TFAP2A: variants seen among roughly 807,000 people sequenced by gnomAD.
TFAP2A encodes the protein transcription factor AP-2 alpha.
Under a neutral mutation model 41.5 loss-of-function variants are expected in TFAP2A, and 7 were observed. The observed-to-expected ratio is 0.17, with a 90% CI of 0.10 to 0.32. The LOEUF (loss-of-function observed/expected upper bound fraction) is 0.32, where lower values mean the gene tolerates loss of function less well. TFAP2A is among the 10% of genes least tolerant of loss of function. TFAP2A has a pLI of 1.00. For synonymous variants in TFAP2A, 247 were observed against 242.8 expected, an observed-to-expected ratio of 1.02 and a Z score of -0.16; for missense variants, 416 against 563.3, an observed-to-expected ratio of 0.74 and a Z score of 2.65.
At chr6:10,416,436 A>AAAG (rs1006901153), upstream of TFAP2A, 4 of 151,758 alleles carry the variant, frequency 2.6e-5, no homozygotes, top group African/African-American at 9.7e-5. Flanking sequence ...TAAGAAAAAA[A>AAAG]AAAAAGAAAA....
chr6:10,412,479 GAGGA>G (rs1758027534), intron 1 of TFAP2A: 1 of 137,000 alleles, frequency 7.3e-6, no homozygotes, highest in Admixed American at 7.8e-5. Context: ...AAGAGGGAGG[GAGGA>G]AGGGAGGGAG....
chr6:10,415,186 A>G (rs968159829), upstream of TFAP2A: 1 of 1,491,304 alleles, frequency 6.7e-7, no homozygotes, highest in Non-Finnish European at 8.9e-7. Flanking sequence ...GAGGAGGAGG[A>G]GGAGGGCGAG....
chr6:10,418,125 C>T (rs1306484243), upstream of TFAP2A: 1 of 152,160 alleles, frequency 6.6e-6, no homozygotes, highest in Non-Finnish European at 1.5e-5. Context: ...GGATTTGCAT[C>T]CTTAAACCAC....
chr6:10,414,703 A>G (rs1488365676), intron 1 of TFAP2A: 2 of 644,552 alleles, frequency 3.1e-6, no homozygotes, highest in Non-Finnish European at 5.5e-6. Flanking sequence ...TTGGTCAGAA[A>G]GGGGAGTAAA....
intron 2 of TFAP2A, among the ~76,000 whole-genome samples, chr6:10,408,311 TTTAG>T (rs781488380): frequency 1.3e-5 from 2 of 152,308 alleles, no homozygotes; most frequent in Non-Finnish European, 2.9e-5. Context: ...TGTTTAATCT[TTTAG>T]TTAGTTTCTC....
intron 1 of TFAP2A, among the ~76,000 whole-genome samples, chr6:10,414,344 C>T (rs1208475714): frequency 2.0e-5 from 3 of 152,186 alleles, no homozygotes; most frequent in African/African-American, 7.2e-5. Context: ...CAGCTGGGAT[C>T]AGTGGTCTTA....
chr6:10,412,401 A>T, intron 1 of TFAP2A: 2 of 348,092 alleles, frequency 5.7e-6, no homozygotes, highest in Non-Finnish European at 7.9e-6. Context: ...TGGGCGAGGG[A>T]GAGGAGCCCC....
At chr6:10,417,811 T>G (rs1758300273), upstream of TFAP2A, among the ~76,000 whole-genome samples, 1 of 151,808 alleles carries the variant, frequency 6.6e-6, no homozygotes, top group South Asian at 2.1e-4. Context: ...CTTGCCTAAC[T>G]GTGAGCCCGC....
Position 10,397,801 on chromosome 6 carries a change from G to A in TFAP2A, c.*616C>T. 1.0e-6 allele frequency: 1 copy of A among 968,534 alleles called. No individual in the cohort carries two copies. The allele number at this position is 968,534 out of a possible 1,614,324, so 60.0% of individuals were successfully genotyped here. A position where few individuals can be genotyped will look rare whatever the true frequency, so the allele number is the denominator to read the frequency against. Reference sequence around the variant, plus strand: ...TTGCCAGAGAAAGTTCAAGTTGGTCGCTTTACCTTAAAGAGGAAAAACTTC... The same window carrying A: ...TTGCCAGAGAAAGTTCAAGTTGGTCACTTTACCTTAAAGAGGAAAAACTTC... On this transcript the variant is annotated 3_prime_UTR_variant, in exon 7 of 7. Transcript: ENST00000379613.
rs1230910073 is a variant in TFAP2A, at chr6:10,404,723, G to A, written c.555C>T (p.Ser185=). The stretch of plus-strand genomic sequence containing the variant: ...CGGAGACGGCATTGCTGTTGGACTT[G>A]GACAGGGACACGGGGCCTGCGGAGA... ...TVIKKGPVSL[S]KSNSNAVSAI... Residue 185 remains serine, a synonymous_variant, in exon 4 of 7, where the codon TCC becomes TCT. Transcript: ENST00000379613. 1 of 1,614,202 alleles carries A rather than the reference G, an allele frequency of 6.2e-7. No homozygotes were observed. Among genetic ancestry groups the A allele is most frequent in the Non-Finnish European group, 8.5e-7 (1 of 1,180,006 alleles).
chr6:10,409,663 A>C, intron 2 of TFAP2A: 1 of 551,936 alleles, frequency 1.8e-6, no homozygotes. Flanking sequence ...TGTTGGTGGA[A>C]ATGGTAATGC....
chr6:10,410,780 A>G, intron 1 of TFAP2A: 1 of 176,708 alleles, frequency 5.7e-6, no homozygotes, highest in Non-Finnish European at 1.2e-5. Flanking sequence ...AAACGTTCAA[A>G]GACTGTTACC....
chr6:10,399,920 C>CTCTCTG (rs1416387650), intron 6 of TFAP2A, among the ~76,000 whole-genome samples: 2,307 of 117,818 alleles, frequency 0.02, 66 homozygotes, highest in African/African-American at 0.079. Context: ...CTCTCTCTCT[C>CTCTCTG]TGTCTGTGTG....
Position 10,398,817 on chromosome 6 carries a change from A to ATCCAG in TFAP2A, c.1032-113_1032-112insCTGGA. On this transcript the variant is annotated intron_variant, in intron 6 of 6. Coordinates refer to ENST00000379613, the MANE Select transcript of TFAP2A (RefSeq NM_001372066.1). The surrounding 1 kb of genome is among the most constrained non-coding windows in gnomAD (Gnocchi z 5.3). ...CTACCTCTGCCGGGATCCAGCCGGT[A>ATCCAG]CCTGACATGACCCAAGACCCCAGAG... The ATCCAG allele has an allele frequency of 7.9e-7, 1 of 1,272,350 alleles. No individual in the cohort carries two copies. The highest frequency in any genetic ancestry group is 1.1e-6 in the Non-Finnish European group (1 of 920,822). 78.8% of individuals were successfully genotyped at this position (1,272,350 alleles called of 1,614,324 possible).
Position 10,410,328 on chromosome 6 carries a change from T to C in TFAP2A, c.59A>G (p.His20Arg). 3.7e-6 allele frequency: 6 copies of C among 1,611,206 alleles called. No homozygotes were observed. Among genetic ancestry groups the C allele is most frequent in the Non-Finnish European group, 5.1e-6 (6 of 1,179,114 alleles). ...TGCCGTCCCGTTGCTGGTGCCGTCG[T>C]GACGGTCCTAGAAGAGAGCGAGAGG... ...NIKYEDCEDRHDGTSNGTARL... is the reference protein window; with the variant it reads ...NIKYEDCEDRRDGTSNGTARL... The change falls in exon 2 of 7, where the codon CAC becomes CGC. Residue 20 changes from histidine to arginine, a missense_variant. Transcript: ENST00000379613.
intron 2 of TFAP2A, chr6:10,409,129 T>C (rs959934495): frequency 2.0e-5 from 3 of 152,272 alleles, no homozygotes; most frequent in African/African-American, 4.8e-5. Context: ...CTGGTTTGCA[T>C]TGTAAATAGT....
chr6:10,410,436 C>G, intron 1 of TFAP2A, 101 bp from the exon 2 acceptor site: 4 of 1,272,660 alleles, frequency 3.1e-6, no homozygotes, highest in Non-Finnish European at 4.4e-6. Context: ...GGAAATCGCC[C>G]GTTCCCGTTG....
intron 1 of TFAP2A, chr6:10,411,533 C>T: frequency 1.2e-6 from 2 of 1,612,116 alleles, no homozygotes; most frequent in Non-Finnish European, 1.7e-6. Context: ...AATCCAATTC[C>T]TAAAGAAACA....
chr6:10,401,985 C>T (rs1762024950), intron 5 of TFAP2A: 1 of 270,198 alleles, frequency 3.7e-6, no homozygotes, highest in South Asian at 4.0e-5. Context: ...GCTCACTTTT[C>T]TTCTTCTCCA....
Sources: gnomAD v4.1 joint callset for allele counts (sites outside exome capture counted in the v4.1 genomes callset) on GRCh38, gnomAD v4.1.1 for gene constraint, Gnocchi (gnomAD v3.1) non-coding constraint, MANE v1.5 for transcripts, NCBI Gene and HGNC (gene_info 2026-07-23, HGNC 2026-07-21) for gene names.